Variants in SDHAF4 observed in about 807,000 individuals in gnomAD.
SDHAF4 encodes the protein succinate dehydrogenase complex assembly factor 4.
SDHAF4 carries 14 observed loss-of-function variants against 14.3 expected under a neutral mutation model. The observed-to-expected ratio is 0.98, with a 90% confidence interval of 0.65 to 1.53. The LOEUF is 1.53. Ranked by LOEUF, SDHAF4 falls within the 40% of genes most tolerant of loss-of-function variation. The probability of loss-of-function intolerance (pLI) is 0.00; values close to 1 mark genes in which losing one functional copy is unlikely to be tolerated. For synonymous variants in SDHAF4, 63 were observed against 47.3 expected (o/e 1.33, Z -1.36); for missense variants, 141 against 129.3 (o/e 1.09, Z -0.44).
intron 1 of SDHAF4, among the ~76,000 whole-genome samples, chr6:70,570,362 A>C (rs532493029): frequency 1.6e-4 from 25 of 151,810 alleles, no homozygotes; most frequent in African/African-American, 4.3e-4. Flanking sequence ...TTGCTCTGTC[A>C]CCCAGGCTGG....
chr6:70,590,002 C>G (rs754260246), downstream of SDHAF4, among the ~76,000 whole-genome samples: 5 of 152,156 alleles, frequency 3.3e-5, no homozygotes, highest in Non-Finnish European at 7.3e-5. Context: ...CTTTGAGAGA[C>G]CAAGGCGGGT....
At position 70,588,676 on chromosome 6, in the gene SDHAF4, T is replaced by C. The variant is rs763554671; in HGVS notation, c.279T>C (p.Pro93=). The C allele has an allele frequency of 3.1e-6, 5 of 1,606,488 alleles. No homozygotes were observed. Among genetic ancestry groups the C allele is most frequent in the Non-Finnish European group, 4.3e-6 (5 of 1,174,956 alleles). Residue 93 remains proline, a synonymous_variant, in exon 3 of 3, where the codon CCT becomes CCC. Transcript: ENST00000370474. ...KEKGGPRGPE[P]TRYGDWERKG... ...AAGGTGGACCCAGGGGCCCAGAACCTACCCGATATGGAGATTGGGAACGAA... is the reference window on the plus strand; with the variant it reads ...AAGGTGGACCCAGGGGCCCAGAACCCACCCGATATGGAGATTGGGAACGAA...
intron 2 of SDHAF4, among the ~76,000 whole-genome samples, chr6:70,584,012 GGTTGTT>G (rs113227748): frequency 1.1e-4 from 16 of 151,442 alleles, no homozygotes; most frequent in African/African-American, 1.7e-4. Flanking sequence ...AGTTGAGTGA[GGTTGTT>G]GTTGTTGTTG....
At chr6:70,567,347 A>G (rs1802110871) in intron 1 of SDHAF4, 1 of 290,790 alleles carries the variant, frequency 3.4e-6, no homozygotes, top group East Asian at 6.4e-5. Context: ...CCCAGAGAAA[A>G]ATGGAAAAGA....
intron 1 of SDHAF4, among the ~76,000 whole-genome samples, chr6:70,578,920 A>G (rs1017392967): frequency 3.9e-5 from 6 of 152,168 alleles, no homozygotes; most frequent in Non-Finnish European, 8.8e-5. Flanking sequence ...GGCTCAAGGA[A>G]TCCTCCCTCT....
At chr6:70,583,608 C>T (rs1337120038) in intron 2 of SDHAF4, among the ~76,000 whole-genome samples, 1 of 152,118 alleles carries the variant, frequency 6.6e-6, no homozygotes, top group African/African-American at 2.4e-5. Flanking sequence ...CTTGGCTTCC[C>T]TGGGTCACAT....
chr6:70,597,484 C>T, the SDHAF4 span, among the ~76,000 whole-genome samples: 1 of 151,836 alleles, frequency 6.6e-6, no homozygotes, highest in African/African-American at 2.4e-5. Context: ...ATTAATGAAA[C>T]AGATCCCCTG....
chr6:70,592,294 A>T (rs1485258572), downstream of SDHAF4, among the ~76,000 whole-genome samples: 1 of 152,194 alleles, frequency 6.6e-6, no homozygotes, highest in Non-Finnish European at 1.5e-5. Flanking sequence ...CAAAGATTGG[A>T]AGAGTTTGGA....
At position 70,582,536 on chromosome 6, in the gene SDHAF4, C is replaced by A. The variant is rs113029442; in HGVS notation, c.217+2970C>A. 8.5e-5 allele frequency among the ~76,000 whole-genome samples: 13 copies of A among 152,226 alleles called. No homozygotes were observed. In the East Asian group the frequency reaches 9.6e-4, roughly 11 times the overall value. On this transcript the variant is annotated intron_variant, in intron 2 of 2. Coordinates refer to ENST00000370474, the MANE Select transcript of SDHAF4 (RefSeq NM_145267.3). ...TTCTAAAACTAAAGTCATCGTGTACCCATTGTTCCAACTCACCTTCGGCCC... is the reference window on the plus strand; with the variant it reads ...TTCTAAAACTAAAGTCATCGTGTACACATTGTTCCAACTCACCTTCGGCCC...
chr6:70,584,178 G>A (rs779392130), intron 2 of SDHAF4, among the ~76,000 whole-genome samples: 16 of 152,074 alleles, frequency 1.1e-4, no homozygotes, highest in East Asian at 1.9e-4. Flanking sequence ...CACCACACCC[G>A]GTTAATTTTT....
rs76542891 is a variant in SDHAF4, at chr6:70,575,037, A to G, written c.65-4377A>G. Among the ~76,000 whole-genome samples the G allele has an allele frequency of 8.1e-4, 123 of 152,294 alleles. 1 individual carries two copies. In the East Asian group the frequency reaches 0.012, roughly 15 times the overall value. On this transcript the variant is annotated intron_variant, in intron 1 of 2. Transcript: ENST00000370474. Reference sequence around the variant, plus strand: ...TTTAGCTTGAGTTTAAGAGACTGTCATCTCCCTGCTGTCCTGAAAGCTCTG... The same window carrying G: ...TTTAGCTTGAGTTTAAGAGACTGTCGTCTCCCTGCTGTCCTGAAAGCTCTG...
chr6:70,573,031 G>A (rs535820754), intron 1 of SDHAF4, among the ~76,000 whole-genome samples: 8 of 152,018 alleles, frequency 5.3e-5, no homozygotes, highest in Non-Finnish European at 1.2e-4. Context: ...ATAGAGAGCA[G>A]TAGTGCAGTC....
chr6:70,585,566 C>G (rs1765185789), intron 2 of SDHAF4, among the ~76,000 whole-genome samples: 1 of 152,156 alleles, frequency 6.6e-6, no homozygotes, highest in Non-Finnish European at 1.5e-5. Context: ...TCCACCTAGT[C>G]TATGGTATTT....
chr6:70,567,343 GA>G, intron 1 of SDHAF4: 1 of 298,696 alleles, frequency 3.3e-6, no homozygotes, highest in Non-Finnish European at 6.2e-6. Flanking sequence ...ATGCCCCAGA[GA>G]AAAATGGAAA....
chr6:70,587,198 A>ACACACAC (rs58942545), intron 2 of SDHAF4, among the ~76,000 whole-genome samples: 2 of 143,572 alleles, frequency 1.4e-5, no homozygotes, highest in African/African-American at 2.6e-5. Flanking sequence ...ACACACACAC[A>ACACACAC]AGAATTAGGG....
intron 2 of SDHAF4, among the ~76,000 whole-genome samples, chr6:70,580,863 G>A (rs998112255): frequency 6.6e-6 from 1 of 152,136 alleles, no homozygotes; most frequent in Non-Finnish European, 1.5e-5. Flanking sequence ...AGAGTTCATT[G>A]TGGGGATGAT....
intron 1 of SDHAF4, among the ~76,000 whole-genome samples, chr6:70,579,186 A>G (rs1158391879): frequency 6.6e-6 from 1 of 152,236 alleles, no homozygotes; most frequent in Middle Eastern, 3.2e-3. Flanking sequence ...TGCAATATTG[A>G]TAACAATTAA....
chr6:70,576,716 A>G (rs1332265685), intron 1 of SDHAF4, among the ~76,000 whole-genome samples: 6 of 152,234 alleles, frequency 3.9e-5, no homozygotes, highest in Non-Finnish European at 7.3e-5. Context: ...AGATAATTCC[A>G]TCAAACTAAA....
chr6:70,572,920 C>G (rs1169719512), intron 1 of SDHAF4, among the ~76,000 whole-genome samples: 1 of 152,126 alleles, frequency 6.6e-6, no homozygotes, highest in Non-Finnish European at 1.5e-5. Context: ...TTTGTATAGT[C>G]AGTATGTTAA....
Sources: allele counts gnomAD v4.1 joint callset (sites outside exome capture counted in the v4.1 genomes callset), GRCh38; gene constraint gnomAD v4.1.1; transcripts MANE v1.5; gene names NCBI Gene and HGNC (gene_info 2026-07-23, HGNC 2026-07-21).